Variants in LRBA observed in about 807,000 individuals in gnomAD.
LRBA encodes lipopolysaccharide-responsive and beige-like anchor protein.
LRBA carries 176 observed loss-of-function variants against 330.0 expected under a neutral mutation model. The ratio of observed to expected loss-of-function variants is 0.53; its 90% CI spans 0.47 to 0.60. The LOEUF (loss-of-function observed/expected upper bound fraction) is 0.60, where lower values mean the gene tolerates loss of function less well. Among genes scored for constraint, LRBA ranks in the 20% least tolerant of loss-of-function variants. The pLI is 0.00. For synonymous variants in LRBA, 1,230 were observed against 1,193.0 expected (o/e 1.03, Z -0.64); for missense variants, 3,259 against 3,444.8 (o/e 0.95, Z 1.35).
chr4:150,418,482 A>G (rs1000205785), intron 46 of LRBA, among the ~76,000 whole-genome samples: 2 of 152,196 alleles, frequency 1.3e-5, no homozygotes, highest in Non-Finnish European at 2.9e-5. Context: ...GCTACATAAT[A>G]TCTATCATGC....
intron 56 of LRBA, among the ~76,000 whole-genome samples, chr4:150,271,179 G>A (rs959148461): frequency 6.6e-6 from 1 of 152,234 alleles, no homozygotes; most frequent in Admixed American, 6.5e-5. Context: ...CTCTGGCCCA[G>A]ATACTGCGCT....
chr4:150,907,230 G>A (rs1253443286), intron 11 of LRBA, among the ~76,000 whole-genome samples: 1 of 109,218 alleles, frequency 9.2e-6, no homozygotes, highest in Admixed American at 9.2e-5. Flanking sequence ...TACGGGGGGA[G>A]GGGGGAGGGA....
intron 22 of LRBA, among the ~76,000 whole-genome samples, chr4:150,857,622 A>G (rs1381614394): frequency 6.6e-6 from 1 of 152,184 alleles, no homozygotes; most frequent in Non-Finnish European, 1.5e-5. Flanking sequence ...TTTATCCTAC[A>G]AAATAAGGGT....
chr4:150,589,824 A>G (rs1429885915), intron 39 of LRBA, among the ~76,000 whole-genome samples: 1 of 152,202 alleles, frequency 6.6e-6, no homozygotes, highest in African/African-American at 2.4e-5. Flanking sequence ...ATGGATGTGA[A>G]GGAAAAGACT....
rs566007428 is a variant in LRBA, at chr4:150,964,252, C to T, written c.217-35187G>A. Among the ~76,000 whole-genome samples, 4 of 148,082 alleles carry T rather than the reference C, an allele frequency of 2.7e-5. No individual in the cohort carries two copies. The East Asian group carries it at 7.8e-4, about 29-fold the overall frequency. ...CCACCCTGTCTGGGAGATGGGGGGG[C>T]CCCTCTGCCCAGCAGCCCCGTCTGG... is the stretch of plus-strand genomic sequence containing the variant. On this transcript the variant is annotated intron_variant, in intron 2 of 56. Transcript: ENST00000651943.
chr4:150,295,389 G>A (rs765921147), intron 53 of LRBA, among the ~76,000 whole-genome samples: 14 of 151,762 alleles, frequency 9.2e-5, no homozygotes, highest in Non-Finnish European at 1.9e-4. Flanking sequence ...TAGAGACAGC[G>A]TCTCCCTATG....
At chr4:150,379,700 T>G (rs919998740) in intron 47 of LRBA, among the ~76,000 whole-genome samples, 17 of 152,322 alleles carry the variant, frequency 1.1e-4, no homozygotes, top group African/African-American at 4.1e-4. Context: ...CTATTTTCTT[T>G]GTGAATAACA....
chr4:150,642,229 T>C (rs920128769), intron 37 of LRBA, among the ~76,000 whole-genome samples: 9 of 151,946 alleles, frequency 5.9e-5, no homozygotes, highest in Non-Finnish European at 1.2e-4. Context: ...TTCAAAGTTG[T>C]GGTTTATTAT....
rs754621566 is a variant in LRBA, at chr4:150,590,782, C to T, written c.6124G>A (p.Glu2042Lys). Reference sequence around the variant, plus strand: ...TCATCATCGCCTTCCAGGAGGATCTCGTTTTCTGAGTTCTGATTTCCTAAA... The same window carrying T: ...TCATCATCGCCTTCCAGGAGGATCTTGTTTTCTGAGTTCTGATTTCCTAAA... ...QALGNQNSEN[E>K]ILLEGDDDTL... The change falls in exon 39 of 57, where the codon GAG (glutamate) becomes AAG (lysine). Residue 2042 changes from glutamate (E) to lysine (K), a missense_variant. Coordinates refer to ENST00000651943, the MANE Select transcript of LRBA (RefSeq NM_001364905.1). 17 of 1,613,708 alleles carry T rather than the reference C, an allele frequency of 1.1e-5. No homozygotes were observed. Among genetic ancestry groups the T allele is most frequent in the East Asian group, 8.9e-5 (4 of 44,884 alleles).
At chr4:150,420,355 T>TATAGTATAAAGTATATATAATACAC (rs1748503687) in intron 46 of LRBA, among the ~76,000 whole-genome samples, 2 of 142,820 alleles carry the variant, frequency 1.4e-5, no homozygotes, top group East Asian at 2.1e-4. Flanking sequence ...TAATACACAT[T>TATAGTATAAAGTATATATAATACAC]ATAGTATAAA....
rs115212613 is a variant in LRBA, at chr4:150,432,245, C to T, written c.7041+3344G>A. On this transcript the variant is annotated intron_variant, in intron 46 of 56. Transcript: ENST00000651943. ...CAGGCAAGGTATGCTTTAGGATCTACTCAATAAAATGATTCCTACCACCCC... is the reference window on the plus strand; with the variant it reads ...CAGGCAAGGTATGCTTTAGGATCTATTCAATAAAATGATTCCTACCACCCC... Among the ~76,000 whole-genome samples, 1,120 of 152,046 alleles carry T rather than the reference C, an allele frequency of 7.4e-3. 11 individuals are homozygous for T. The highest frequency in any genetic ancestry group is 0.026 in the African/African-American group (1,073 of 41,474).
chr4:150,505,561 T>G (rs191143756), intron 40 of LRBA, among the ~76,000 whole-genome samples: 1 of 152,224 alleles, frequency 6.6e-6, no homozygotes, highest in Non-Finnish European at 1.5e-5. Flanking sequence ...TACCAGAATC[T>G]CTAGGACACA....
intron 50 of LRBA, among the ~76,000 whole-genome samples, chr4:150,316,752 G>A (rs1484633674): frequency 4.6e-5 from 7 of 152,088 alleles, no homozygotes; most frequent in Non-Finnish European, 8.8e-5. Flanking sequence ...GAAACTCAAG[G>A]ACAAGTCAGA....
intron 46 of LRBA, among the ~76,000 whole-genome samples, chr4:150,426,615 T>C (rs1227442563): frequency 1.3e-5 from 2 of 151,886 alleles, no homozygotes; most frequent in East Asian, 1.9e-4. Flanking sequence ...GGATTCATGA[T>C]AAAAATCCCA....
chr4:150,925,894 C>CTTT (rs1453290387), intron 4 of LRBA, among the ~76,000 whole-genome samples: 1 of 152,072 alleles, frequency 6.6e-6, no homozygotes, highest in African/African-American at 2.4e-5. Context: ...CCATAAACAA[C>CTTT]TAGAAAAGTG....
rs557560311 is a variant in LRBA at position 150,630,357 on chromosome 4, C to T, written c.5922-31226G>A. On this transcript the variant is annotated intron_variant, in intron 37 of 56. Transcript: ENST00000651943. ...AATTTCAATAGCACTACATCCCTTA[C>T]AGCAGCGATGCCCAAAGGGGATACA... 7.3e-5 allele frequency among the ~76,000 whole-genome samples: 11 copies of T among 151,566 alleles called. No individual in the cohort carries two copies. The South Asian group carries it at 1.9e-3, about 26-fold the overall frequency.
chr4:150,680,948 T>C lies in LRBA; in HGVS notation c.5921+2603A>G, dbSNP rs562293432. On this transcript the variant is annotated intron_variant, in intron 37 of 56. Transcript: ENST00000651943. ...GGAAAGTATCAGGCCTACATAACCATGGCTACAAGCAAATTACGTGGATTC... is the reference window on the plus strand; with the variant it reads ...GGAAAGTATCAGGCCTACATAACCACGGCTACAAGCAAATTACGTGGATTC... 2.8e-4 allele frequency among the ~76,000 whole-genome samples: 43 copies of C among 152,202 alleles called. 1 individual carries two copies. The South Asian group carries it at 8.9e-3, about 32-fold the overall frequency.
At chr4:150,731,100 C>T (rs1298691411) in intron 36 of LRBA, among the ~76,000 whole-genome samples, 1 of 152,182 alleles carries the variant, frequency 6.6e-6, no homozygotes, top group Non-Finnish European at 1.5e-5. Context: ...GATATCATCT[C>T]ACTCGAGTTA....
rs1276435332 is a variant in LRBA, at chr4:150,900,053, T to A, written c.1920A>T (p.Gly640=). The change falls in exon 14 of 57, where the codon GGA becomes GGT. Residue 640 remains glycine, a synonymous_variant. Transcript: ENST00000651943. ...ATACAGACAGAAATTATATACCTAA[T>A]CCTTTTGGGGTGATACCACTTCGAT... The part of the protein sequence containing the change: ...PQDRSGITPK[G]LDGPRPNQKE... The A allele has an allele frequency of 6.2e-7, 1 of 1,607,798 alleles. No homozygotes were observed. Among genetic ancestry groups the A allele is most frequent in the East Asian group, 2.2e-5 (1 of 44,840 alleles).
Sources: gnomAD v4.1 joint callset for allele counts (sites outside exome capture counted in the v4.1 genomes callset) on GRCh38, gnomAD v4.1.1 for gene constraint, MANE v1.5 for transcripts, NCBI Gene and HGNC (gene_info 2026-07-23, HGNC 2026-07-21) for gene names.